LIPC: variants seen among roughly 807,000 people sequenced by gnomAD.
LIPC encodes hepatic triacylglycerol lipase.
A neutral mutation model predicts 50.7 loss-of-function variants in LIPC; 44 were observed. The observed-to-expected ratio is 0.87, with a 90% CI of 0.68 to 1.11. The LOEUF (loss-of-function observed/expected upper bound fraction) is 1.11, where lower values mean the gene tolerates loss of function less well. LIPC is among the 50% of genes most tolerant of loss of function. The pLI is 0.00. For synonymous variants in LIPC, 271 were observed against 256.4 expected (o/e 1.06, Z -0.54); for missense variants, 697 against 648.2 (o/e 1.08, Z -0.82).
chr15:58,557,454 A>G (rs1223464763), intron 6 of LIPC, among the ~76,000 whole-genome samples: 2 of 124,672 alleles, frequency 1.6e-5, no homozygotes, highest in African/African-American at 3.1e-5. Flanking sequence ...GCGCGATCTC[A>G]GCTCACTGTA....
chr15:58,555,839 A>G (rs777536178), intron 6 of LIPC, among the ~76,000 whole-genome samples: 1 of 152,178 alleles, frequency 6.6e-6, no homozygotes, highest in Non-Finnish European at 1.5e-5. Context: ...CAGTGGCTGC[A>G]CAGTCAGGCT....
Position 58,548,682 on chromosome 15 carries a change from C to T in LIPC, c.1051+110C>T, listed in dbSNP as rs1336716276. The T allele has an allele frequency of 9.1e-6, 13 of 1,435,966 alleles. No individual in the cohort carries two copies. The African/African-American group carries it at 1.3e-4, about 14-fold the overall frequency. The allele number at this position is 1,435,966 out of a possible 1,614,324, so 89.0% of individuals were successfully genotyped here. A position where few individuals can be genotyped will look rare whatever the true frequency, so the allele number is the denominator to read the frequency against. On this transcript the variant is annotated intron_variant, in intron 6 of 8. Coordinates refer to ENST00000299022, the MANE Select transcript of LIPC (RefSeq NM_000236.3). ...TGGAGGTGCTTCAGCTCTGCTGTTG[C>T]GGTGTTTCTGAAACTGTGCAGGCTC...
chr15:58,475,423 T>C (rs1234023721), intron 1 of LIPC, among the ~76,000 whole-genome samples: 1 of 152,220 alleles, frequency 6.6e-6, no homozygotes, highest in East Asian at 1.9e-4. Context: ...CCATCTCCAG[T>C]GTCCTGCAGT....
At chr15:58,561,066 C>A in intron 7 of LIPC, 85 bp downstream of exon 7, 1 of 800,370 alleles carries the variant, frequency 1.2e-6, no homozygotes, top group Non-Finnish European at 2.3e-6. Flanking sequence ...TTTCAAGAGT[C>A]AGGCCAGCTA....
chr15:58,512,081 A>G (rs774577149), intron 1 of LIPC, among the ~76,000 whole-genome samples: 34 of 151,776 alleles, frequency 2.2e-4, no homozygotes, highest in Non-Finnish European at 4.7e-4. Flanking sequence ...GATTTTCTCT[A>G]TGTTTTCTTT....
rs111288227 is a variant in LIPC at position 58,453,085 on chromosome 15, C to T, written c.88+20965C>T. On this transcript the variant is annotated intron_variant, in intron 1 of 8. Transcript: ENST00000299022. ...TCAGAAATGACTTCGGTCTTCTTCC[C>T]CGCCTCTGAGGATTGATGGGAGCTG... is the stretch of plus-strand genomic sequence containing the variant. Among the ~76,000 whole-genome samples the T allele has an allele frequency of 7.4e-4, 113 of 152,300 alleles. 1 individual carries two copies. Among genetic ancestry groups the T allele is most frequent in the African/African-American group, 2.5e-3 (103 of 41,564 alleles).
At chr15:58,469,698 C>A (rs12593736) in intron 1 of LIPC, among the ~76,000 whole-genome samples, 1 of 152,146 alleles carries the variant, frequency 6.6e-6, no homozygotes, top group Non-Finnish European at 1.5e-5. Flanking sequence ...AGCAGAGAAA[C>A]ACTGTGGCCG....
At chr15:58,532,014 C>T (rs1011503242) in intron 1 of LIPC, among the ~76,000 whole-genome samples, 3 of 152,038 alleles carry the variant, frequency 2.0e-5, no homozygotes, top group Admixed American at 6.5e-5. Context: ...TGAAGTGATG[C>T]TAGGGTGTCA....
intron 6 of LIPC, among the ~76,000 whole-genome samples, chr15:58,551,556 G>A (rs1309822612): frequency 5.9e-5 from 9 of 152,146 alleles, no homozygotes; most frequent in African/African-American, 2.2e-4. Context: ...TACTGGTGAT[G>A]CTGGGATGAA....
At chr15:58,463,419 T>C (rs1025943918) in intron 1 of LIPC, among the ~76,000 whole-genome samples, 8 of 152,122 alleles carry the variant, frequency 5.3e-5, no homozygotes, top group Non-Finnish European at 8.8e-5. Flanking sequence ...CTCTGCTCTT[T>C]TACTCTCCCA....
intron 1 of LIPC, among the ~76,000 whole-genome samples, chr15:58,462,984 T>G (rs1894410465): frequency 6.6e-6 from 1 of 152,224 alleles, no homozygotes; most frequent in Non-Finnish European, 1.5e-5. Flanking sequence ...CACTGCAGAC[T>G]CATCCCTCCT....
In LIPC at chr15:58,541,892, C is replaced by G; in HGVS notation, c.381C>G (p.His127Gln). ...TGGTGGACTGGATCACCCTGGCCCA[C>G]GACCACTACACCATCGCCGTCCGCA... ...VGLVDWITLA[H>Q]DHYTIAVRNT... Residue 127 changes from histidine to glutamine, a missense_variant, in exon 3 of 9, where the codon CAC becomes CAG. Physicochemically the swap from His to Gln is conservative, Grantham distance 24 (BLOSUM62 0). Transcript: ENST00000299022. 6.2e-7 allele frequency: 1 copy of G among 1,612,152 alleles called. No homozygotes were observed. The highest frequency in any genetic ancestry group is 8.5e-7 in the Non-Finnish European group (1 of 1,179,966).
chr15:58,493,609 AATTT>A (rs1450027370), intron 1 of LIPC, among the ~76,000 whole-genome samples: 3 of 145,854 alleles, frequency 2.1e-5, no homozygotes, highest in Non-Finnish European at 4.6e-5. Flanking sequence ...ATTTATACAA[AATTT>A]ATTACGTATA....
chr15:58,481,054 T>G (rs1269881645), intron 1 of LIPC, among the ~76,000 whole-genome samples: 1 of 152,194 alleles, frequency 6.6e-6, no homozygotes, highest in African/African-American at 2.4e-5. Flanking sequence ...GATGGTCAGA[T>G]GCCCTGGAGA....
chr15:58,503,050 A>G (rs573934892), intron 1 of LIPC, among the ~76,000 whole-genome samples: 1 of 152,042 alleles, frequency 6.6e-6, no homozygotes, highest in Non-Finnish European at 1.5e-5. Flanking sequence ...TAATATGTAT[A>G]GGTGCTTTAT....
chr15:58,499,466 T>C (rs1203497584), intron 1 of LIPC, among the ~76,000 whole-genome samples: 3 of 152,200 alleles, frequency 2.0e-5, no homozygotes, highest in Non-Finnish European at 4.4e-5. Context: ...AAGATCTGTG[T>C]TTCCCTGAAG....
chr15:58,494,930 C>A (rs1157557686), intron 1 of LIPC: 3 of 453,976 alleles, frequency 6.6e-6, no homozygotes, highest in Non-Finnish European at 1.3e-5. Flanking sequence ...CAGTCCCTCA[C>A]TGGGCTATCA....
intron 1 of LIPC, among the ~76,000 whole-genome samples, chr15:58,527,575 GC>G (rs758697750): frequency 7.9e-5 from 12 of 152,180 alleles, no homozygotes; most frequent in Non-Finnish European, 1.6e-4. Flanking sequence ...CTTTACACCA[GC>G]CACCTTATGG....
chr15:58,500,050 C>G lies in LIPC; in HGVS notation c.89-38283C>G, dbSNP rs368629365. On this transcript the variant is annotated intron_variant, in intron 1 of 8. Transcript: ENST00000299022. ...AGAGACAGGACAAAGTAAATTGGAC[C>G]TCAGAGACAGGGCACGGGGCAGAGT... 1.8e-4 allele frequency among the ~76,000 whole-genome samples: 28 copies of G among 152,180 alleles called. No individual in the cohort carries two copies. In the Middle Eastern group the frequency reaches 0.01, roughly 55 times the overall value.
Sources: gnomAD v4.1 joint callset for allele counts (sites outside exome capture counted in the v4.1 genomes callset) on GRCh38, gnomAD v4.1.1 for gene constraint, MANE v1.5 for transcripts, NCBI Gene and HGNC (gene_info 2026-07-23, HGNC 2026-07-21) for gene names.